Variants in INTS4 observed in about 807,000 individuals in gnomAD.
The protein encoded by INTS4 is MSTP093.
INTS4 carries 70 observed loss-of-function variants against 119.5 expected under a neutral mutation model. That is an observed-to-expected ratio of 0.59 (90% CI 0.48 to 0.71). The LOEUF is 0.71. Ranked by LOEUF, INTS4 falls within the 30% of genes least tolerant of loss-of-function variation. The probability of loss-of-function intolerance (pLI) is 0.00; values close to 1 mark genes in which losing one functional copy is unlikely to be tolerated. For missense variants in INTS4, 867 were observed against 1,173.2 expected (o/e 0.74, Z 3.81); for synonymous variants, 316 against 419.6 (o/e 0.75, Z 3.02).
intron 17 of INTS4, 136 bp from the exon 18 acceptor site, chr11:77,901,687 A>G: frequency 1.5e-6 from 1 of 668,332 alleles, no homozygotes; most frequent in South Asian, 2.0e-5. Context: ...TAAGTGTTGA[A>G]AGAAATTAGT....
intron 17 of INTS4, among the ~76,000 whole-genome samples, chr11:77,902,297 C>G (rs1591034818): frequency 6.6e-6 from 1 of 152,210 alleles, no homozygotes; most frequent in Non-Finnish European, 1.5e-5. Context: ...ATGTGTTTAT[C>G]ACAGTATCTG....
At chr11:77,923,685 A>G (rs962886582) in intron 12 of INTS4, among the ~76,000 whole-genome samples, 5 of 152,060 alleles carry the variant, frequency 3.3e-5, no homozygotes, top group African/African-American at 1.2e-4. Context: ...AATGTTAGCT[A>G]TTATAACTAC....
At chr11:77,936,177 G>A (rs1456637558) in intron 10 of INTS4, among the ~76,000 whole-genome samples, 1 of 151,948 alleles carries the variant, frequency 6.6e-6, no homozygotes, top group Non-Finnish European at 1.5e-5. Flanking sequence ...ATACAGGATG[G>A]AATATATACA....
intron 18 of INTS4, among the ~76,000 whole-genome samples, chr11:77,899,309 G>A (rs1211549460): frequency 2.6e-5 from 4 of 151,454 alleles, no homozygotes; most frequent in Non-Finnish European, 4.4e-5. Flanking sequence ...CAAACCCCTG[G>A]AGGAAAAAAG....
intron 7 of INTS4, among the ~76,000 whole-genome samples, chr11:77,957,171 A>G (rs1168810710): frequency 6.6e-6 from 1 of 152,130 alleles, no homozygotes; most frequent in Non-Finnish European, 1.5e-5. Flanking sequence ...GAGATCAAGC[A>G]ATCCACCCGC....
intron 4 of INTS4, among the ~76,000 whole-genome samples, chr11:77,966,694 T>C (rs937891794): frequency 1.3e-5 from 2 of 152,244 alleles, no homozygotes; most frequent in African/African-American, 4.8e-5. Context: ...AAATGCTTTA[T>C]ATTTTGAAAA....
At chr11:77,991,952 C>T (rs1239670064) in intron 1 of INTS4, among the ~76,000 whole-genome samples, 1 of 152,030 alleles carries the variant, frequency 6.6e-6, no homozygotes, top group Non-Finnish European at 1.5e-5. Flanking sequence ...TGACTCCCAA[C>T]TAGCTGGAAT....
At chr11:77,952,986 AT>A (rs1278570426) in intron 8 of INTS4, among the ~76,000 whole-genome samples, 2 of 152,370 alleles carry the variant, frequency 1.3e-5, no homozygotes, top group East Asian at 3.9e-4. Flanking sequence ...TAAAACATTC[AT>A]AACCCAAAAG....
At chr11:77,962,482 TA>T (rs1484181237) in intron 4 of INTS4, among the ~76,000 whole-genome samples, 2 of 152,186 alleles carry the variant, frequency 1.3e-5, no homozygotes, top group Non-Finnish European at 2.9e-5. Context: ...CCAATGCTAC[TA>T]AAACAAGCTA....
chr11:77,978,866 G>A (rs1162751890), intron 4 of INTS4, 130 bp downstream of exon 4: 2 of 593,996 alleles, frequency 3.4e-6, no homozygotes, highest in Non-Finnish European at 6.3e-6. Context: ...TATAACAAGT[G>A]TACTTAACTT....
intron 10 of INTS4, among the ~76,000 whole-genome samples, chr11:77,933,369 C>T (rs900592575): frequency 3.1e-4 from 45 of 144,252 alleles, no homozygotes; most frequent in African/African-American, 1.0e-3. Context: ...ATTGCAGGCG[C>T]GCGCCGCCAC....
rs530477893 is a variant in INTS4 at position 77,955,606 on chromosome 11, C to T, written c.918+336G>A. ...TGCCTCCCAGGTTCAAGCGATTCTC[C>T]TGCCTCAGCCTCCCGAGTAGCTGGG... On this transcript the variant is annotated intron_variant, in intron 8 of 22. Coordinates refer to ENST00000534064, the MANE Select transcript of INTS4 (RefSeq NM_033547.4). Among the ~76,000 whole-genome samples, 22 of 152,172 alleles carry T rather than the reference C, an allele frequency of 1.4e-4. No individual in the cohort carries two copies. In the South Asian group the frequency reaches 4.6e-3, roughly 32 times the overall value.
chr11:77,903,628 G>A lies in INTS4; in HGVS notation c.2017-8C>T, dbSNP rs1952847200. 1 of 1,610,060 alleles carries A rather than the reference G, an allele frequency of 6.2e-7. No homozygotes were observed. The highest frequency in any genetic ancestry group is 1.1e-5 in the South Asian group (1 of 90,662). On this transcript the variant is annotated splice_region_variant and splice_polypyrimidine_tract_variant and intron_variant, in intron 16 of 22. Coordinates refer to ENST00000534064, the MANE Select transcript of INTS4 (RefSeq NM_033547.4). ...CAACTTTTCCTGCAAGGCCTACGCA[G>A]ACAAATCAGGAGGGAACAGAATACC...
chr11:77,943,458 G>C (rs1344627546), intron 8 of INTS4, among the ~76,000 whole-genome samples: 1 of 152,208 alleles, frequency 6.6e-6, no homozygotes, highest in Non-Finnish European at 1.5e-5. Flanking sequence ...CAATGGATGT[G>C]AGACATAGAA....
chr11:77,917,680 T>G (rs1167603463), intron 15 of INTS4, among the ~76,000 whole-genome samples: 1 of 151,456 alleles, frequency 6.6e-6, no homozygotes, highest in African/African-American at 2.4e-5. Context: ...GCAAAAGCAG[T>G]ACTGTTTGCT....
chr11:77,907,055 AC>A (rs1952972645), intron 16 of INTS4, among the ~76,000 whole-genome samples: 1 of 152,150 alleles, frequency 6.6e-6, no homozygotes, highest in Admixed American at 6.6e-5. Context: ...CAACCTTTTA[AC>A]TTTGATGAAG....
In INTS4 at chr11:77,956,041, A is replaced by T; in HGVS notation, c.819T>A (p.Ser273=). 6.2e-7 allele frequency: 1 copy of T among 1,600,346 alleles called. No homozygotes were observed. Among genetic ancestry groups the T allele is most frequent in the Non-Finnish European group, 8.5e-7 (1 of 1,174,510 alleles). The part of the protein sequence containing the change: ...YPESIVPIPS[S]NEEIRLVDDA... ...CATCAACTAAGCGTATTTCTTCATTAGAAGAAGGAATTGGGACAATGCTAA... is the reference window on the plus strand; with the variant it reads ...CATCAACTAAGCGTATTTCTTCATTTGAAGAAGGAATTGGGACAATGCTAA... The change falls in exon 8 of 23, where the codon TCT becomes TCA. Residue 273 remains serine, a synonymous_variant. Coordinates refer to ENST00000534064, the MANE Select transcript of INTS4 (RefSeq NM_033547.4).
chr11:77,979,392 T>C (rs1339165039), intron 3 of INTS4, among the ~76,000 whole-genome samples: 1 of 151,980 alleles, frequency 6.6e-6, no homozygotes, highest in Non-Finnish European at 1.5e-5. Flanking sequence ...GGAGGACTGC[T>C]TGAGCCTCAG....
At chr11:77,934,086 C>T (rs985335294) in intron 10 of INTS4, among the ~76,000 whole-genome samples, 3 of 152,046 alleles carry the variant, frequency 2.0e-5, no homozygotes, top group African/African-American at 4.8e-5. Flanking sequence ...AATCTATGAC[C>T]TTACCCCCAA....
Sources: gnomAD v4.1 joint callset for allele counts (sites outside exome capture counted in the v4.1 genomes callset) on GRCh38, gnomAD v4.1.1 for gene constraint, MANE v1.5 for transcripts, NCBI Gene and HGNC (gene_info 2026-07-23, HGNC 2026-07-21) for gene names.